The following FPR3 variants were observed in gnomAD, a reference collection of about 807,000 sequenced individuals.
FPR3 encodes the protein formyl peptide receptor 3.
For synonymous variants in FPR3, 135 were observed against 163.6 expected, an observed-to-expected ratio of 0.83 and a Z score of 1.34; for missense variants, 346 against 443.2, an observed-to-expected ratio of 0.78 and a Z score of 1.97.
intron 1 of FPR3, among the ~76,000 whole-genome samples, chr19:51,798,445 G>A (rs975153090): frequency 6.6e-6 from 1 of 152,088 alleles, no homozygotes; most frequent in Non-Finnish European, 1.5e-5. Context: ...AATGTCCCTG[G>A]GAAGACCTCA....
chr19:51,802,879 T>G (rs1034130078), intron 1 of FPR3, among the ~76,000 whole-genome samples: 1 of 152,198 alleles, frequency 6.6e-6, no homozygotes, highest in African/African-American at 2.4e-5. Context: ...CGTTACAGAT[T>G]ATTTTATTGT....
intron 1 of FPR3, among the ~76,000 whole-genome samples, chr19:51,815,506 T>A (rs1599837273): frequency 6.7e-6 from 1 of 150,032 alleles, no homozygotes; most frequent in South Asian, 2.1e-4. Flanking sequence ...GAGGTGGAGG[T>A]TGCAGTGAGC....
intron 1 of FPR3, among the ~76,000 whole-genome samples, chr19:51,809,155 T>C (rs1009974036): frequency 1.3e-5 from 2 of 152,252 alleles, no homozygotes; most frequent in African/African-American, 4.8e-5. Flanking sequence ...TTTGTAAGTC[T>C]CATATTCCAT....
intron 1 of FPR3, among the ~76,000 whole-genome samples, chr19:51,809,644 T>C (rs1310604683): frequency 2.0e-5 from 3 of 152,200 alleles, no homozygotes; most frequent in Admixed American, 2.0e-4. Context: ...AGTCAACAAC[T>C]TCTGGGACTA....
intron 1 of FPR3, chr19:51,817,950 CTTTTT>C (rs1221225537): frequency 1.3e-5 from 2 of 151,234 alleles, no homozygotes; most frequent in Non-Finnish European, 2.9e-5. Flanking sequence ...CCAAATACAG[CTTTTT>C]TGTTTTGTTT....
intron 1 of FPR3, among the ~76,000 whole-genome samples, chr19:51,823,412 C>G (rs183363841): frequency 9.2e-5 from 14 of 152,236 alleles, no homozygotes; most frequent in Admixed American, 4.6e-4. Flanking sequence ...GAGTCTTGTG[C>G]CTTCCTCACG....
At chr19:51,808,981 T>G (rs1185018095) in intron 1 of FPR3, among the ~76,000 whole-genome samples, 2 of 152,212 alleles carry the variant, frequency 1.3e-5, no homozygotes, top group African/African-American at 2.4e-5. Flanking sequence ...AGGAGAAATA[T>G]CAATGACCCT....
intron 1 of FPR3, among the ~76,000 whole-genome samples, chr19:51,806,058 G>C (rs1037708745): frequency 6.6e-6 from 1 of 152,156 alleles, no homozygotes; most frequent in African/African-American, 2.4e-5. Flanking sequence ...CTTCTGAGCT[G>C]CCAAAAAGAC....
intron 1 of FPR3, among the ~76,000 whole-genome samples, chr19:51,797,465 T>C (rs1176449603): frequency 6.6e-6 from 1 of 152,164 alleles, no homozygotes; most frequent in African/African-American, 2.4e-5. Context: ...CTAGTAGAAA[T>C]ACAATTTTCA....
intron 1 of FPR3, among the ~76,000 whole-genome samples, chr19:51,814,621 G>A (rs2084121102): frequency 6.6e-6 from 1 of 152,040 alleles, no homozygotes; most frequent in Non-Finnish European, 1.5e-5. Flanking sequence ...AGTCTCCTGA[G>A]CAGCTGGGAC....
intron 1 of FPR3, among the ~76,000 whole-genome samples, chr19:51,808,130 C>T (rs2084072707): frequency 6.6e-6 from 1 of 152,186 alleles, no homozygotes; most frequent in Non-Finnish European, 1.5e-5. Flanking sequence ...TTAGTTGCTG[C>T]AGGGAATTTA....
chr19:51,824,787 G>C lies in FPR3; in HGVS notation c.1039G>C (p.Glu347Gln), dbSNP rs1414335153. Residue 347 changes from glutamate (E) to glutamine (Q), a missense_variant, in exon 2 of 2, where the codon GAG becomes CAG. Coordinates refer to ENST00000339223, the MANE Select transcript of FPR3 (RefSeq NM_002030.5). The surrounding 1 kb of genome is among the most constrained non-coding windows in gnomAD (Gnocchi z 4.7). ...TDTTSASPPE[E>Q]TELQAM ...CACCACTTCTGCTTCACCTCCTGAG[G>C]AGACGGAGTTACAAGCAATGTGAGG... The C allele has an allele frequency of 4.3e-6, 7 of 1,612,800 alleles. No individual in the cohort carries two copies. Among genetic ancestry groups the C allele is most frequent in the Non-Finnish European group, 5.9e-6 (7 of 1,179,226 alleles).
At position 51,825,530 on chromosome 19, in the gene FPR3, T is replaced by A. The variant is rs2084226685; in HGVS notation, c.*720T>A. ...ATGAAAGGAAAGGAGAGAGATTCTG[T>A]TTCCTGAGGCTTAATACACCCAACA... On this transcript the variant is annotated 3_prime_UTR_variant, in exon 2 of 2. Coordinates refer to ENST00000339223, the MANE Select transcript of FPR3 (RefSeq NM_002030.5). 1 of 167,088 alleles carries A rather than the reference T, an allele frequency of 6.0e-6. No individual in the cohort carries two copies. The highest frequency in any genetic ancestry group is 2.4e-5 in the African/African-American group (1 of 41,440). 10.4% of individuals were successfully genotyped at this position (167,088 alleles called of 1,614,324 possible).
chr19:51,800,653 T>C (rs768556589), intron 1 of FPR3, among the ~76,000 whole-genome samples: 6 of 152,194 alleles, frequency 3.9e-5, no homozygotes, highest in South Asian at 4.1e-4. Flanking sequence ...ATGTTTCTCA[T>C]GGCCCGAAAC....
chr19:51,807,184 C>T (rs1381063192), intron 1 of FPR3, among the ~76,000 whole-genome samples: 3 of 150,708 alleles, frequency 2.0e-5, no homozygotes, highest in Non-Finnish European at 2.9e-5. Flanking sequence ...CACAGCCCTC[C>T]GTATTTATCA....
At chr19:51,801,460 C>A (rs923931178) in intron 1 of FPR3, among the ~76,000 whole-genome samples, 3 of 152,100 alleles carry the variant, frequency 2.0e-5, no homozygotes, top group African/African-American at 7.2e-5. Context: ...GCTTTTGTTC[C>A]TCTACAATAT....
chr19:51,796,950 A>T (rs2084003177), intron 1 of FPR3, among the ~76,000 whole-genome samples: 1 of 152,228 alleles, frequency 6.6e-6, no homozygotes, highest in African/African-American at 2.4e-5. Flanking sequence ...AGAATGTGAG[A>T]TACCCCAACA....
At chr19:51,807,430 T>A (rs973176252) in intron 1 of FPR3, among the ~76,000 whole-genome samples, 1 of 152,218 alleles carries the variant, frequency 6.6e-6, no homozygotes, top group African/African-American at 2.4e-5. Flanking sequence ...TTTGATCATA[T>A]AGCCTCCAGT....
intron 1 of FPR3, among the ~76,000 whole-genome samples, chr19:51,816,118 G>T (rs773296714): frequency 4.1e-4 from 63 of 152,006 alleles, no homozygotes; most frequent in Non-Finnish European, 1.0e-4. Context: ...TCTTGAGTTG[G>T]TGAACACAAA....
Sources: gnomAD v4.1 joint callset for allele counts (sites outside exome capture counted in the v4.1 genomes callset) on GRCh38, gnomAD v4.1.1 for gene constraint, Gnocchi (gnomAD v3.1) non-coding constraint, MANE v1.5 for transcripts, NCBI Gene and HGNC (gene_info 2026-07-23, HGNC 2026-07-21) for gene names.